Variants in BMPR1B observed in about 807,000 individuals in gnomAD.
The protein encoded by BMPR1B is bone morphogenetic protein receptor type-1B.
BMPR1B carries 12 observed loss-of-function variants against 59.1 expected under a neutral mutation model. That is an observed-to-expected ratio of 0.20 (90% CI 0.13 to 0.33). The LOEUF (loss-of-function observed/expected upper bound fraction) is 0.33, where lower values mean the gene tolerates loss of function less well. Ranked by LOEUF, BMPR1B falls within the 10% of genes least tolerant of loss-of-function variation. The pLI is 1.00. For synonymous variants in BMPR1B, 237 were observed against 207.3 expected (o/e 1.14, Z -1.23); for missense variants, 550 against 610.9 (o/e 0.90, Z 1.05).
intron 3 of BMPR1B, among the ~76,000 whole-genome samples, chr4:95,083,570 A>G (rs541518884): frequency 6.6e-6 from 1 of 152,316 alleles, no homozygotes; most frequent in African/African-American, 2.4e-5. Flanking sequence ...AATATTTGGA[A>G]CAGGAAAGTG....
chr4:94,964,439 A>G (rs984701886), intron 2 of BMPR1B, among the ~76,000 whole-genome samples: 2 of 152,160 alleles, frequency 1.3e-5, no homozygotes, highest in African/African-American at 4.8e-5. Flanking sequence ...TCCCTTTTCA[A>G]TATGATACTA....
At chr4:95,102,862 A>G (rs565408642) in intron 3 of BMPR1B, among the ~76,000 whole-genome samples, 45 of 152,196 alleles carry the variant, frequency 3.0e-4, no homozygotes, top group African/African-American at 7.9e-4. Flanking sequence ...AGTGGAGTCT[A>G]CAAGTAATTT....
At chr4:95,122,409 CAAAG>C (rs1396971659) in intron 6 of BMPR1B, among the ~76,000 whole-genome samples, 1 of 151,326 alleles carries the variant, frequency 6.6e-6, no homozygotes, top group African/African-American at 2.4e-5. Flanking sequence ...GTTCCCAACA[CAAAG>C]AAATGATAAG....
chr4:94,949,876 A>G (rs183719218), intron 2 of BMPR1B, among the ~76,000 whole-genome samples: 1 of 152,224 alleles, frequency 6.6e-6, no homozygotes, highest in African/African-American at 2.4e-5. Context: ...ATTGTCTTCC[A>G]TAATGGTTGA....
chr4:94,760,561 C>T (rs1312730715), intron 1 of BMPR1B, among the ~76,000 whole-genome samples: 5 of 152,234 alleles, frequency 3.3e-5, no homozygotes, highest in Admixed American at 1.3e-4. Context: ...AATCTAAAGT[C>T]AGTTGTCACC....
intron 2 of BMPR1B, among the ~76,000 whole-genome samples, chr4:94,993,465 A>G (rs1219124533): frequency 3.9e-5 from 6 of 152,068 alleles, no homozygotes; most frequent in African/African-American, 1.4e-4. Context: ...TTTGTATTGC[A>G]GTATGACAGG....
chr4:94,945,127 A>G (rs556590338), intron 2 of BMPR1B, among the ~76,000 whole-genome samples: 89 of 152,354 alleles, frequency 5.8e-4, no homozygotes, highest in African/African-American at 2.1e-3. Flanking sequence ...CACATTGGCT[A>G]AGAAGGTTTT....
intron 2 of BMPR1B, among the ~76,000 whole-genome samples, chr4:94,904,962 CAAT>C (rs1727981864): frequency 6.6e-6 from 1 of 151,996 alleles, no homozygotes; most frequent in Non-Finnish European, 1.5e-5. Context: ...ATTCTCTTTT[CAAT>C]AACTCTGAGC....
At chr4:94,944,976 C>A (rs918081124) in intron 2 of BMPR1B, among the ~76,000 whole-genome samples, 1 of 152,106 alleles carries the variant, frequency 6.6e-6, no homozygotes, top group East Asian at 1.9e-4. Flanking sequence ...CAGCTCTATA[C>A]AAGTGATGGG....
At chr4:95,075,058 C>T (rs1728601194) in intron 3 of BMPR1B, among the ~76,000 whole-genome samples, 1 of 152,114 alleles carries the variant, frequency 6.6e-6, no homozygotes, top group African/African-American at 2.4e-5. Context: ...GAACATCCCA[C>T]TTACTCTTAA....
rs376662840 is a variant in BMPR1B, at chr4:94,797,979, A to G, written c.-183+39911A>G. Among the ~76,000 whole-genome samples the G allele has an allele frequency of 8.5e-5, 13 of 152,242 alleles. No homozygotes were observed. The East Asian group carries it at 2.1e-3, about 25-fold the overall frequency. On this transcript the variant is annotated intron_variant, in intron 1 of 12. Coordinates refer to ENST00000515059, the MANE Select transcript of BMPR1B (RefSeq NM_001203.3). ...GATCCTGGGAAATAGCTTACGGCAT[A>G]TAATGCACTGTTTCTTCATCGTAAT...
At chr4:95,152,078 A>C (rs1457532712) in intron 11 of BMPR1B, among the ~76,000 whole-genome samples, 1 of 152,204 alleles carries the variant, frequency 6.6e-6, no homozygotes, top group Admixed American at 6.5e-5. Context: ...TAGGAAAAAA[A>C]TCAGATAATC....
At chr4:94,882,145 T>TC (rs983041591) in intron 2 of BMPR1B, among the ~76,000 whole-genome samples, 1 of 152,126 alleles carries the variant, frequency 6.6e-6, no homozygotes, top group African/African-American at 2.4e-5. Context: ...TCTTTTTTTT[T>TC]CCATGGAAGG....
At chr4:94,803,589 G>A (rs545478792) in intron 1 of BMPR1B, among the ~76,000 whole-genome samples, 4 of 152,160 alleles carry the variant, frequency 2.6e-5, no homozygotes, top group East Asian at 3.9e-4. Context: ...CTCCTAGGTC[G>A]TCTTTATGTA....
intron 2 of BMPR1B, among the ~76,000 whole-genome samples, chr4:94,880,999 G>T (rs561489636): frequency 1.3e-5 from 2 of 152,188 alleles, no homozygotes; most frequent in East Asian, 3.9e-4. Flanking sequence ...ATGCAACATC[G>T]TAATTCTGAA....
intron 4 of BMPR1B, 151 bp downstream of exon 4, chr4:95,104,718 A>G (rs1263778389): frequency 1.9e-6 from 2 of 1,068,660 alleles, no homozygotes; most frequent in Non-Finnish European, 1.4e-6. Flanking sequence ...TATTAGAGAA[A>G]TATTGAATTG....
intron 1 of BMPR1B, among the ~76,000 whole-genome samples, chr4:94,807,295 C>T (rs1723641114): frequency 6.6e-6 from 1 of 152,052 alleles, no homozygotes; most frequent in Non-Finnish European, 1.5e-5. Context: ...GGGATTTCAC[C>T]ATGTTGTCCA....
In BMPR1B at chr4:95,155,286, C is replaced by G. The variant is rs1238931557; in HGVS notation, c.*613C>G. ...TGAATGCACTGGGTACAAACACCGC[C>G]TGTCTAGGACCACATTTGGAATTCC... On this transcript the variant is annotated 3_prime_UTR_variant, in exon 13 of 13. Transcript: ENST00000515059. The G allele has an allele frequency of 6.5e-6, 1 of 152,746 alleles. No homozygotes were observed. The highest frequency in any genetic ancestry group is 1.9e-4 in the East Asian group (1 of 5,156). The allele number at this position is 152,746 out of a possible 1,614,324, so 9.5% of individuals were successfully genotyped here.
chr4:94,850,377 T>C (rs1243144390), intron 1 of BMPR1B, among the ~76,000 whole-genome samples: 1 of 152,250 alleles, frequency 6.6e-6, no homozygotes, highest in Non-Finnish European at 1.5e-5. Context: ...TGTGTCTTTA[T>C]GATGTGTTAA....
Sources: allele counts gnomAD v4.1 joint callset (sites outside exome capture counted in the v4.1 genomes callset), GRCh38; gene constraint gnomAD v4.1.1; transcripts MANE v1.5; gene names NCBI Gene and HGNC (gene_info 2026-07-23, HGNC 2026-07-21).